VPS13C: variants seen among roughly 807,000 people sequenced by gnomAD.
The protein encoded by VPS13C is intermembrane lipid transfer protein VPS13C.
In VPS13C, 358 loss-of-function variants were observed where a neutral mutation model predicts 456.8. The observed-to-expected ratio is 0.78, with a 90% CI of 0.72 to 0.86. VPS13C has a LOEUF of 0.86. Among genes scored for constraint, VPS13C ranks in the 40% least tolerant of loss-of-function variants. The pLI, the probability that VPS13C is intolerant of heterozygous loss-of-function variation, is 0.00. For synonymous variants in VPS13C, 1,578 were observed against 1,486.7 expected (o/e 1.06, Z -1.41); for missense variants, 4,818 against 4,385.4 (o/e 1.10, Z -2.79).
chr15:62,054,667 T>C (rs893409458), intron 1 of VPS13C, among the ~76,000 whole-genome samples: 1 of 151,438 alleles, frequency 6.6e-6, no homozygotes, highest in East Asian at 1.9e-4. Flanking sequence ...CAAACCACCA[T>C]GGCACATGTA....
Position 61,865,784 on chromosome 15 carries a change from GTA to G in VPS13C, c.10864-2258_10864-2257del, listed in dbSNP as rs894664096. On this transcript the variant is annotated intron_variant, in intron 81 of 84. Coordinates refer to ENST00000644861, the MANE Select transcript of VPS13C (RefSeq NM_020821.3). ...TATGTACGTGTGTATATATGTATGT[GTA>G]TATATATGTGTGTGTGTATATATAT... 9.7e-5 allele frequency: 70 copies of G among 718,790 alleles called. 1 individual carries two copies. The highest frequency in any genetic ancestry group is 1.4e-3 in the Middle Eastern group (2 of 1,442). 44.5% of individuals were successfully genotyped at this position (718,790 alleles called of 1,614,324 possible). A position where few individuals can be genotyped will look rare whatever the true frequency, so the allele number is the denominator to read the frequency against.
chr15:61,879,101 G>A (rs1013128114), intron 73 of VPS13C, among the ~76,000 whole-genome samples: 8 of 152,058 alleles, frequency 5.3e-5, no homozygotes, highest in Non-Finnish European at 8.8e-5. Flanking sequence ...TCAAAATACA[G>A]ATAATAACAA....
At chr15:61,882,507 A>T in intron 69 of VPS13C, 89 bp downstream of exon 69, 1 of 1,199,884 alleles carries the variant, frequency 8.3e-7, no homozygotes, top group Non-Finnish European at 1.1e-6. Context: ...TACCAATTAC[A>T]ATGTAAACTA....
chr15:61,927,348 A>G lies in VPS13C; in HGVS notation c.6287-28T>C, dbSNP rs2043887854. ...GAAGAAACAAGCAACAGGAACCAGA[A>G]AAGTTTAAGGTAAGTCTTTTCATTT... On this transcript the variant is annotated intron_variant, in intron 51 of 84. Transcript: ENST00000644861. 5 of 1,592,088 alleles carry G rather than the reference A, an allele frequency of 3.1e-6. No individual in the cohort carries two copies. In the South Asian group the frequency reaches 4.5e-5, roughly 14 times the overall value.
chr15:61,945,357 T>C (rs1279550757), intron 45 of VPS13C, among the ~76,000 whole-genome samples: 1 of 152,224 alleles, frequency 6.6e-6, no homozygotes, highest in African/African-American at 2.4e-5. Flanking sequence ...AGTTCCAATA[T>C]GAGTCCTCCA....
chr15:62,015,965 A>AAAAAAAAAAAAAAAAAAAAATCC (rs2047231234), intron 9 of VPS13C, among the ~76,000 whole-genome samples: 1 of 122,828 alleles, frequency 8.1e-6, no homozygotes, highest in African/African-American at 4.3e-5. Context: ...AAGTCCAAAA[A>AAAAAAAAAAAAAAAAAAAAATCC]AAAAAAAAAA....
intron 22 of VPS13C, among the ~76,000 whole-genome samples, chr15:61,979,820 T>C (rs2045819533): frequency 6.6e-6 from 1 of 152,064 alleles, no homozygotes; most frequent in Admixed American, 6.5e-5. Flanking sequence ...AGGGTAGAGC[T>C]TTCAATGGAA....
At chr15:62,039,202 G>C (rs1014470255) in intron 3 of VPS13C, among the ~76,000 whole-genome samples, 1 of 152,112 alleles carries the variant, frequency 6.6e-6, no homozygotes, top group Non-Finnish European at 1.5e-5. Flanking sequence ...ATCAACAGTT[G>C]ACTGGATAAA....
chr15:61,943,873 G>T (rs778907611), intron 45 of VPS13C, among the ~76,000 whole-genome samples: 1 of 150,354 alleles, frequency 6.7e-6, no homozygotes, highest in Non-Finnish European at 1.5e-5. Context: ...AAAAATGTTC[G>T]CAAATTATGC....
At position 61,947,175 on chromosome 15, in the gene VPS13C, C is replaced by G; in HGVS notation, c.4876+18G>C. On this transcript the variant is annotated intron_variant, in intron 43 of 84. Transcript: ENST00000644861. ...TGTAAAGAAACAGAAATACCTACAA[C>G]AAGAAGTAACTACTTACCATGTATT... 2.0e-6 allele frequency: 3 copies of G among 1,466,956 alleles called. No homozygotes were observed. The highest frequency in any genetic ancestry group is 2.8e-6 in the Non-Finnish European group (3 of 1,081,528). 90.9% of individuals were successfully genotyped at this position (1,466,956 alleles called of 1,614,324 possible).
intron 62 of VPS13C, 150 bp from the exon 63 acceptor site, chr15:61,912,154 T>C (rs1027352634): frequency 4.0e-6 from 3 of 741,450 alleles, no homozygotes; most frequent in African/African-American, 1.8e-5. Flanking sequence ...CAAAAGATTA[T>C]CTTCTGAGAA....
chr15:61,940,672 A>G lies in VPS13C; in HGVS notation c.5576T>C (p.Ile1859Thr). The change falls in exon 47 of 85, where the codon ATA becomes ACA. Residue 1859 changes from isoleucine (I) to threonine (T), a missense_variant. Coordinates refer to ENST00000644861, the MANE Select transcript of VPS13C (RefSeq NM_020821.3). ...CTGCATAGGTTTTAGTTTTCCTTTT[A>G]TCTCCATCCCTGGAATTTGCACATA... The part of the protein sequence containing the change: ...AWYVQIPGME[I>T]KGKLKPMQVA... 1 of 1,613,464 alleles carries G rather than the reference A, an allele frequency of 6.2e-7. No individual in the cohort carries two copies. The highest frequency in any genetic ancestry group is 8.5e-7 in the Non-Finnish European group (1 of 1,179,748).
At chr15:61,866,293 TTAA>T in intron 81 of VPS13C, 2 of 983,614 alleles carry the variant, frequency 2.0e-6, no homozygotes, top group Non-Finnish European at 2.4e-6. Context: ...GTCTGATATC[TTAA>T]TAAAAACTAA....
chr15:61,960,344 C>A (rs899292093), intron 35 of VPS13C, among the ~76,000 whole-genome samples: 1 of 152,182 alleles, frequency 6.6e-6, no homozygotes, highest in South Asian at 2.1e-4. Flanking sequence ...GTACAGAAAT[C>A]TTCCTCAATA....
intron 20 of VPS13C, among the ~76,000 whole-genome samples, chr15:61,982,850 G>C (rs1344949943): frequency 6.6e-6 from 1 of 152,162 alleles, no homozygotes; most frequent in African/African-American, 2.4e-5. Context: ...ATTACTTCTA[G>C]ATTTAGCCTC....
chr15:62,010,203 C>A (rs1375389946), intron 13 of VPS13C, among the ~76,000 whole-genome samples: 1 of 151,676 alleles, frequency 6.6e-6, no homozygotes, highest in Non-Finnish European at 1.5e-5. Flanking sequence ...AAAAAAAAAT[C>A]TTCCATCAAC....
chr15:61,875,635 T>G (rs1195577232), intron 76 of VPS13C, 97 bp downstream of exon 76: 1 of 823,512 alleles, frequency 1.2e-6, no homozygotes, highest in Non-Finnish European at 2.0e-6. Flanking sequence ...ATTATTCAAT[T>G]CCAAGATACA....
chr15:61,913,793 T>G (rs1387629887), intron 61 of VPS13C, among the ~76,000 whole-genome samples: 2 of 152,214 alleles, frequency 1.3e-5, no homozygotes, highest in African/African-American at 4.8e-5. Context: ...AGAGAATTTA[T>G]GTCTTCAACA....
At chr15:61,956,333 A>AG (rs2044996381) in intron 37 of VPS13C, among the ~76,000 whole-genome samples, 1 of 117,654 alleles carries the variant, frequency 8.5e-6, no homozygotes, top group Non-Finnish European at 1.7e-5. Context: ...TAGAGGGGAG[A>AG]GGGGGGGACT....
Sources: gnomAD v4.1 joint callset for allele counts (sites outside exome capture counted in the v4.1 genomes callset) on GRCh38, gnomAD v4.1.1 for gene constraint, MANE v1.5 for transcripts, NCBI Gene and HGNC (gene_info 2026-07-23, HGNC 2026-07-21) for gene names.